The following ALG13 variants were observed in gnomAD, a reference collection of about 807,000 sequenced individuals.
ALG13 encodes the protein UDP-N-acetylglucosamine transferase subunit ALG13.
In ALG13, 11 loss-of-function variants were observed where a neutral mutation model predicts 87.8. The ratio of observed to expected loss-of-function variants is 0.13; its 90% CI spans 0.08 to 0.21. The LOEUF (loss-of-function observed/expected upper bound fraction) is 0.21. Among genes scored for constraint, ALG13 ranks in the 10% least tolerant of loss-of-function variants. ALG13 has a pLI of 1.00. For missense variants in ALG13, 756 were observed against 866.1 expected, an observed-to-expected ratio of 0.87 and a Z score of 1.60; for synonymous variants, 320 against 306.3, an observed-to-expected ratio of 1.04 and a Z score of -0.47.
At chrX:111,739,634 G>T (rs1837114130) in intron 23 of ALG13, among the ~76,000 whole-genome samples, 1 of 112,321 alleles carries the variant, frequency 8.9e-6, no homozygotes, top group Non-Finnish European at 1.9e-5. Context: ...CTCAAGGAAA[G>T]AATATGTGAA....
At chrX:111,753,699 A>G (rs1365379946) in intron 25 of ALG13, among the ~76,000 whole-genome samples, 2 of 111,984 alleles carry the variant, frequency 1.8e-5, no homozygotes, top group Non-Finnish European at 3.8e-5. Flanking sequence ...TCCTGGACAC[A>G]CACACCCTCC....
chrX:111,739,953 T>G (rs1602851828), intron 23 of ALG13, among the ~76,000 whole-genome samples: 1 of 111,753 alleles, frequency 8.9e-6, no homozygotes, highest in East Asian at 2.8e-4. Context: ...CTTTGAGTTT[T>G]AGGCTACCAG....
At chrX:111,755,194 TAATA>T (rs1402735075) in intron 25 of ALG13, among the ~76,000 whole-genome samples, 2 of 111,973 alleles carry the variant, frequency 1.8e-5, no homozygotes, top group African/African-American at 6.5e-5. Context: ...ATTCCCTATT[TAATA>T]AATGGTGCTG....
chrX:111,707,925 C>T, intron 3 of ALG13, 102 bp from the exon 4 acceptor site: 1 of 916,438 alleles, frequency 1.1e-6, no homozygotes, highest in Non-Finnish European at 1.5e-6. Flanking sequence ...CACTCTTTCC[C>T]AAGGAGGTAA....
At chrX:111,720,473 C>T (rs750671776) in intron 11 of ALG13, among the ~76,000 whole-genome samples, 20 of 111,505 alleles carry the variant, frequency 1.8e-4, no homozygotes, top group African/African-American at 2.3e-4. Context: ...AGTCTTCTGA[C>T]GCTAAGGTTT....
rs1466905686 is a variant in ALG13 at position 111,753,031 on chromosome X, C to T, written c.2973+201C>T. 6.8e-5 allele frequency: 24 copies of T among 352,829 alleles called. No homozygotes were observed. The East Asian group carries it at 8.7e-4, about 13-fold the overall frequency. The allele number at this position is 352,829 out of a possible 1,213,427, so 29.1% of individuals were successfully genotyped here. A position where few individuals can be genotyped will look rare whatever the true frequency, so the allele number is the denominator to read the frequency against. On this transcript the variant is annotated intron_variant, in intron 25 of 26. Coordinates refer to ENST00000394780, the MANE Select transcript of ALG13 (RefSeq NM_001099922.3). The stretch of plus-strand genomic sequence containing the variant: ...GCTTTAGTTTCTCTTATAAAATAGT[C>T]GTTAAACTGAAGAGAGGGGTACTGG...
chrX:111,757,638 G>A lies in ALG13; in HGVS notation c.3024G>A (p.Gln1008=). Residue 1008 remains glutamine, a synonymous_variant, in exon 26 of 27, where the codon CAG becomes CAA. Coordinates refer to ENST00000394780, the MANE Select transcript of ALG13 (RefSeq NM_001099922.3). The stretch of plus-strand genomic sequence containing the variant: ...CCATGGTCTATGTGCCACAGATGCA[G>A]CAGCAGCTTCATGTAGAGAATTATC... The part of the protein sequence containing the change: ...WHSMVYVPQM[Q]QQLHVENYPV... 1 of 1,209,163 alleles carries A rather than the reference G, an allele frequency of 8.3e-7. No individual in the cohort carries two copies. Among genetic ancestry groups the A allele is most frequent in the Non-Finnish European group, 1.1e-6 (1 of 894,143 alleles).
chrX:111,755,770 G>GATGC (rs1945188354), intron 25 of ALG13, among the ~76,000 whole-genome samples: 4 of 112,320 alleles, frequency 3.6e-5, no homozygotes, highest in Non-Finnish European at 7.5e-5. Context: ...GGAAACAACA[G>GATGC]ATGCTGGAGA....
chrX:111,754,115 C>A (rs1945010513), intron 25 of ALG13, among the ~76,000 whole-genome samples: 4 of 111,741 alleles, frequency 3.6e-5, no homozygotes. Context: ...AAGGGTGGTT[C>A]AACATATGCA....
intron 24 of ALG13, among the ~76,000 whole-genome samples, chrX:111,749,805 A>G (rs1400603837): frequency 9.0e-6 from 1 of 111,525 alleles, no homozygotes; most frequent in Non-Finnish European, 1.9e-5. Flanking sequence ...TGATTTTTGC[A>G]TGTTACCCTT....
chrX:111,712,616 AT>A (rs1315204755), intron 7 of ALG13, 86 bp downstream of exon 7: 4 of 487,814 alleles, frequency 8.2e-6, no homozygotes. Context: ...GATTGGGGAA[AT>A]TTGAGATTTG....
chrX:111,714,638 T>C, intron 8 of ALG13, among the ~76,000 whole-genome samples: 1 of 111,633 alleles, frequency 9.0e-6, no homozygotes, highest in East Asian at 2.8e-4. Context: ...TTTATTATGA[T>C]GTTCAAACAT....
chrX:111,738,897 A>C (rs990978267), intron 23 of ALG13, among the ~76,000 whole-genome samples: 3 of 111,397 alleles, frequency 2.7e-5, no homozygotes, highest in Non-Finnish European at 5.6e-5. Flanking sequence ...AAAAAAAAAA[A>C]TGAAGATAAA....
At chrX:111,735,411 C>G (rs1943140746) in intron 22 of ALG13, among the ~76,000 whole-genome samples, 1 of 111,743 alleles carries the variant, frequency 8.9e-6, no homozygotes, top group African/African-American at 3.2e-5. Flanking sequence ...TCAATTCTGT[C>G]TCATTAACTG....
chrX:111,759,915 A>C lies in ALG13; in HGVS notation c.3330A>C (p.Gln1110His), dbSNP rs761412613. Residue 1110 changes from glutamine (Q) to histidine (H), a missense_variant, in exon 27 of 27, where the codon CAA (glutamine) becomes CAC (histidine). This residue lies in a region of ALG13 where 110 missense variants were observed against 104.9 expected (regional missense o/e 1.05). Coordinates refer to ENST00000394780, the MANE Select transcript of ALG13 (RefSeq NM_001099922.3). The part of the protein sequence containing the change: ...PVGTAYGGSS[Q>H]IHGAINPGPI... ...GTACAGCATATGGTGGTTCTTCTCAAATTCATGGTGCTATAAATCCTGGGC... is the reference window on the plus strand; with the variant it reads ...GTACAGCATATGGTGGTTCTTCTCACATTCATGGTGCTATAAATCCTGGGC... The C allele has an allele frequency of 8.3e-7, 1 of 1,210,450 alleles. No homozygotes were observed. Among genetic ancestry groups the C allele is most frequent in the Admixed American group, 2.2e-5 (1 of 45,799 alleles).
chrX:111,736,461 C>T (rs1181777051), intron 22 of ALG13, among the ~76,000 whole-genome samples: 1 of 111,267 alleles, frequency 9.0e-6, no homozygotes, highest in Non-Finnish European at 1.9e-5. Flanking sequence ...CCATTGTATA[C>T]GATTTAATAC....
chrX:111,744,686 A>G lies in ALG13; in HGVS notation c.2714A>G (p.Tyr905Cys), dbSNP rs769682157. 1 of 1,181,050 alleles carries G rather than the reference A, an allele frequency of 8.5e-7. No homozygotes were observed. Among genetic ancestry groups the G allele is most frequent in the African/African-American group, 1.8e-5 (1 of 55,414 alleles). Reference protein sequence around the residue: ...HGRPVIASPSYPCHSAIPHAG... With the variant: ...HGRPVIASPSCPCHSAIPHAG... ...TTGTTAGTGATTGCCTCACCATCCT[A>G]TCCATGCCATTCTGCTATTCCTCAT... Residue 905 changes from tyrosine (Y) to cysteine (C), a missense_variant, in exon 24 of 27, where the codon TAT becomes TGT. Physicochemically the swap from Tyr to Cys is radical, Grantham distance 194. Coordinates refer to ENST00000394780, the MANE Select transcript of ALG13 (RefSeq NM_001099922.3).
At chrX:111,753,000 C>T in intron 25 of ALG13, 170 bp downstream of exon 25, 2 of 390,109 alleles carry the variant, frequency 5.1e-6, no homozygotes, top group Admixed American at 5.3e-5. Context: ...GCTTTAGCCT[C>T]CCAGTGCTTT....
chrX:111,743,104 C>G (rs1479578300), intron 23 of ALG13, among the ~76,000 whole-genome samples: 1 of 111,731 alleles, frequency 9.0e-6, no homozygotes, highest in Admixed American at 9.5e-5. Flanking sequence ...TCTTTCAGGC[C>G]CGTGAGAATG....
Sources: gnomAD v4.1 joint callset for allele counts (sites outside exome capture counted in the v4.1 genomes callset) on GRCh38, gnomAD v4.1.1 for gene constraint, gnomAD v4.1.1 regional missense constraint, MANE v1.5 for transcripts, NCBI Gene and HGNC (gene_info 2026-07-23, HGNC 2026-07-21) for gene names.